Variants in DNAH14 observed in about 807,000 individuals in gnomAD.
DNAH14 encodes dynein axonemal heavy chain 14.
DNAH14 carries 478 observed loss-of-function variants against 520.9 expected under a neutral mutation model. The observed-to-expected ratio is 0.92, with a 90% CI of 0.85 to 0.99. The LOEUF (loss-of-function observed/expected upper bound fraction) is 0.99. DNAH14 is among the 50% of genes least tolerant of loss of function. The pLI is 0.00. For synonymous variants in DNAH14, 1,581 were observed against 1,757.2 expected, an observed-to-expected ratio of 0.90 and a Z score of 2.51; for missense variants, 4,831 against 5,234.5, an observed-to-expected ratio of 0.92 and a Z score of 2.38.
chr1:225,228,780 A>C lies in DNAH14; in HGVS notation c.6440-2293A>C, dbSNP rs916488018. The stretch of plus-strand genomic sequence containing the variant: ...TTCAATCAACAAAACCTGATGCAAA[A>C]AACAGAAAAGGGGGAGATGTAGGAG... On this transcript the variant is annotated intron_variant, in intron 41 of 85. Coordinates refer to ENST00000682510, the MANE Select transcript of DNAH14 (RefSeq NM_001367479.1). Among the ~76,000 whole-genome samples the C allele has an allele frequency of 3.5e-4, 53 of 152,132 alleles. 1 individual carries two copies. Among genetic ancestry groups the C allele is most frequent in the Admixed American group, 2.6e-4 (4 of 15,270 alleles).
At chr1:224,938,189 G>C (rs78420210) in intron 1 of DNAH14, among the ~76,000 whole-genome samples, 6,348 of 152,158 alleles carry the variant, frequency 0.042, 217 homozygotes, top group Non-Finnish European at 0.061. Flanking sequence ...AGCAAAAAGA[G>C]ATTATTGGAT....
intron 52 of DNAH14, among the ~76,000 whole-genome samples, chr1:225,275,336 G>A (rs752135956): frequency 1.4e-4 from 22 of 152,256 alleles, no homozygotes; most frequent in East Asian, 7.7e-4. Context: ...GTGCTATAAC[G>A]TCAGTGCTGT....
At chr1:225,126,484 T>G (rs1344336800) in intron 27 of DNAH14, among the ~76,000 whole-genome samples, 1 of 152,210 alleles carries the variant, frequency 6.6e-6, no homozygotes, top group Non-Finnish European at 1.5e-5. Context: ...GATTTTCTAG[T>G]TTATTTGCAT....
intron 21 of DNAH14, among the ~76,000 whole-genome samples, chr1:225,092,826 A>T (rs1178143656): frequency 6.6e-6 from 1 of 152,120 alleles, no homozygotes; most frequent in Non-Finnish European, 1.5e-5. Context: ...CGCAATTATA[A>T]ATGACAAAGG....
At chr1:225,082,171 G>GGTGTGTGTGCGTGT (rs2073202591) in intron 19 of DNAH14, among the ~76,000 whole-genome samples, 3 of 145,212 alleles carry the variant, frequency 2.1e-5, no homozygotes, top group African/African-American at 2.5e-5. Context: ...GAATGTTTGT[G>GGTGTGTGTGCGTGT]GTGTGTGTGT....
chr1:225,005,956 T>C (rs2064136115), intron 9 of DNAH14, among the ~76,000 whole-genome samples: 2 of 152,282 alleles, frequency 1.3e-5, no homozygotes, highest in South Asian at 2.1e-4. Flanking sequence ...ACCCTCTTTA[T>C]GCTGTGTTGT....
At chr1:225,196,767 A>T (rs2086191894) in intron 38 of DNAH14, among the ~76,000 whole-genome samples, 2 of 152,088 alleles carry the variant, frequency 1.3e-5, no homozygotes, top group Non-Finnish European at 2.9e-5. Context: ...ATAATTAGTG[A>T]TGTTGAGCAT....
intron 61 of DNAH14, among the ~76,000 whole-genome samples, chr1:225,320,646 C>G (rs1197739048): frequency 6.6e-6 from 1 of 152,204 alleles, no homozygotes; most frequent in Non-Finnish European, 1.5e-5. Flanking sequence ...TTTCTATCAT[C>G]AAAATGCCAA....
intron 22 of DNAH14, among the ~76,000 whole-genome samples, chr1:225,098,086 A>T (rs766754855): frequency 1.3e-5 from 2 of 152,118 alleles, no homozygotes; most frequent in Non-Finnish European, 2.9e-5. Flanking sequence ...CCACCCAGCT[A>T]CTTGGGAGGT....
At chr1:225,221,959 G>A (rs1227292614) in intron 41 of DNAH14, among the ~76,000 whole-genome samples, 4 of 152,140 alleles carry the variant, frequency 2.6e-5, no homozygotes, top group Non-Finnish European at 5.9e-5. Context: ...CATTAAATCT[G>A]TACTGAAAAA....
At chr1:225,303,427 T>C in intron 57 of DNAH14, 80 bp downstream of exon 57, 3 of 1,252,480 alleles carry the variant, frequency 2.4e-6, no homozygotes, top group South Asian at 3.3e-5. Context: ...CAACAAACCC[T>C]AGATGGACAA....
At chr1:224,935,468 T>G (rs970202786) in intron 1 of DNAH14, among the ~76,000 whole-genome samples, 7 of 151,658 alleles carry the variant, frequency 4.6e-5, no homozygotes, top group African/African-American at 1.2e-4. Context: ...AAGTCAAGAA[T>G]AGTAAAAAAG....
chr1:225,134,611 T>C (rs1015352616), intron 27 of DNAH14, among the ~76,000 whole-genome samples: 3 of 152,216 alleles, frequency 2.0e-5, no homozygotes, highest in Non-Finnish European at 4.4e-5. Flanking sequence ...GATGTGCTGC[T>C]GGATTTGGTT....
At position 225,346,384 on chromosome 1, in the gene DNAH14, A is replaced by T. The variant is rs1165670519; in HGVS notation, c.11097+4A>T. 6.6e-7 allele frequency: 1 copy of T among 1,526,250 alleles called. No individual in the cohort carries two copies. The highest frequency in any genetic ancestry group is 1.3e-5 in the South Asian group (1 of 79,656). The allele number at this position is 1,526,250 out of a possible 1,614,324, so 94.5% of individuals were successfully genotyped here. A position where few individuals can be genotyped will look rare whatever the true frequency, so the allele number is the denominator to read the frequency against. ...GTTGACAAAAAGTATTTTTAAGGTG[A>T]GATATTCTTTAGTGTGAATTTTACA... On this transcript the variant is annotated splice_donor_region_variant and intron_variant, in intron 70 of 85. Coordinates refer to ENST00000682510, the MANE Select transcript of DNAH14 (RefSeq NM_001367479.1).
chr1:224,936,426 A>G (rs1291647956), intron 1 of DNAH14, among the ~76,000 whole-genome samples: 3 of 151,880 alleles, frequency 2.0e-5, no homozygotes, highest in East Asian at 3.8e-4. Flanking sequence ...ATTATTATAG[A>G]TTATTATGAA....
Position 225,338,153 on chromosome 1 carries a change from T to C in DNAH14, c.10404T>C (p.Asp3468=), listed in dbSNP as rs2095100160. 6.4e-7 allele frequency: 1 copy of C among 1,552,002 alleles called. No homozygotes were observed. Among genetic ancestry groups the C allele is most frequent in the African/African-American group, 1.4e-5 (1 of 73,174 alleles). The change falls in exon 68 of 86, where the codon GAT becomes GAC. Residue 3468 remains aspartate (D), a synonymous_variant. Coordinates refer to ENST00000682510, the MANE Select transcript of DNAH14 (RefSeq NM_001367479.1). ...GACACTATTTCATAAGGGTTGGTGA[T>C]GCTGAGTTCGAATACAATTCAAATT... ...KKGHYFIRVG[D]AEFEYNSNFR...
At chr1:224,946,521 T>C (rs1466539538) in intron 1 of DNAH14, among the ~76,000 whole-genome samples, 2 of 152,138 alleles carry the variant, frequency 1.3e-5, no homozygotes, top group Non-Finnish European at 2.9e-5. Context: ...ATGAACCCGG[T>C]ACCTCAGTTG....
chr1:224,975,574 C>A (rs1304762459), intron 8 of DNAH14, among the ~76,000 whole-genome samples: 1 of 151,288 alleles, frequency 6.6e-6, no homozygotes, highest in Non-Finnish European at 1.5e-5. Context: ...GTGGTGATAT[C>A]CCCTTTATCA....
At chr1:225,233,672 G>A (rs889384088) in intron 42 of DNAH14, among the ~76,000 whole-genome samples, 1 of 151,854 alleles carries the variant, frequency 6.6e-6, no homozygotes, top group African/African-American at 2.4e-5. Context: ...CTTCCTTGTA[G>A]ACTCTGGATA....
Sources: gnomAD v4.1 joint callset for allele counts (sites outside exome capture counted in the v4.1 genomes callset) on GRCh38, gnomAD v4.1.1 for gene constraint, MANE v1.5 for transcripts, NCBI Gene and HGNC (gene_info 2026-07-23, HGNC 2026-07-21) for gene names.